The following NRXN3 variants were observed in gnomAD, a reference collection of about 807,000 sequenced individuals.
NRXN3 encodes the protein neurexin 3, also known as neurexin III.
A neutral mutation model predicts 137.6 loss-of-function variants in NRXN3; 32 were observed. That is an observed-to-expected ratio of 0.23 (90% CI 0.18 to 0.31). The LOEUF is 0.31. Among genes scored for constraint, NRXN3 ranks in the 10% least tolerant of loss-of-function variants. The probability of loss-of-function intolerance (pLI) is 1.00; values close to 1 mark genes in which losing one functional copy is unlikely to be tolerated. For missense variants in NRXN3, 1,574 were observed against 2,062.5 expected, an observed-to-expected ratio of 0.76 and a Z score of 4.59; for synonymous variants, 798 against 784.5, an observed-to-expected ratio of 1.02 and a Z score of -0.29.
At chr14:79,090,572 T>C (rs2152803154) in intron 15 of NRXN3, among the ~76,000 whole-genome samples, 1 of 152,222 alleles carries the variant, frequency 6.6e-6, no homozygotes, top group Non-Finnish European at 1.5e-5. Flanking sequence ...AGTTGCTTTA[T>C]TCTCCTTCCC....
chr14:79,836,100 ATAT>A (rs144292935), intron 20 of NRXN3, among the ~76,000 whole-genome samples: 3,335 of 152,240 alleles, frequency 0.022, 44 homozygotes, highest in Middle Eastern at 0.058. Flanking sequence ...TTTCTTTGTA[ATAT>A]TATAGAGAGA....
chr14:79,784,737 A>G (rs531624053), intron 19 of NRXN3, among the ~76,000 whole-genome samples: 1 of 150,658 alleles, frequency 6.6e-6, no homozygotes, highest in East Asian at 2.0e-4. Flanking sequence ...AGTATGTTCC[A>G]GCTGGGAGTC....
At chr14:79,387,296 A>T (rs2094662682) in intron 15 of NRXN3, among the ~76,000 whole-genome samples, 2 of 152,212 alleles carry the variant, frequency 1.3e-5, no homozygotes, top group African/African-American at 4.8e-5. Context: ...GGCAAAGGAT[A>T]TGAACAGACA....
intron 16 of NRXN3, among the ~76,000 whole-genome samples, chr14:79,551,542 AT>A (rs2097372774): frequency 6.6e-6 from 1 of 152,150 alleles, no homozygotes; most frequent in South Asian, 2.1e-4. Context: ...GAAGATCTGA[AT>A]GGTTATTTCT....
At chr14:79,802,513 A>G (rs2099185873) in intron 19 of NRXN3, among the ~76,000 whole-genome samples, 3 of 152,176 alleles carry the variant, frequency 2.0e-5, no homozygotes, top group Admixed American at 6.5e-5. Context: ...AACCATTGTA[A>G]TATTTAAGAT....
intron 1 of NRXN3, among the ~76,000 whole-genome samples, chr14:78,174,935 C>T (rs913994873): frequency 6.6e-6 from 1 of 152,158 alleles, no homozygotes; most frequent in Non-Finnish European, 1.5e-5. Flanking sequence ...GCTGCCTTGA[C>T]AGAGCCTGGG....
At chr14:79,360,209 C>T (rs933410482) in intron 15 of NRXN3, among the ~76,000 whole-genome samples, 1 of 152,190 alleles carries the variant, frequency 6.6e-6, no homozygotes, top group Non-Finnish European at 1.5e-5. Context: ...TCAAAATGAA[C>T]ATTTTTCCCC....
intron 17 of NRXN3, among the ~76,000 whole-genome samples, chr14:79,665,808 T>G (rs1669224931): frequency 6.6e-6 from 1 of 152,152 alleles, no homozygotes; most frequent in South Asian, 2.1e-4. Context: ...TGTCTTTCTT[T>G]AGTTCCAAAT....
chr14:79,673,020 G>T (rs1330275825), intron 17 of NRXN3, among the ~76,000 whole-genome samples: 1 of 152,004 alleles, frequency 6.6e-6, no homozygotes, highest in African/African-American at 2.4e-5. Flanking sequence ...GTAATGAAAG[G>T]TGCTCTATAC....
chr14:78,665,057 T>G (rs1469316095), intron 6 of NRXN3, among the ~76,000 whole-genome samples: 1 of 152,186 alleles, frequency 6.6e-6, no homozygotes, highest in Non-Finnish European at 1.5e-5. Context: ...GTGTGGTGAA[T>G]GACAGCATGT....
intron 10 of NRXN3, among the ~76,000 whole-genome samples, chr14:78,847,409 C>T (rs1019245970): frequency 3.3e-5 from 5 of 152,072 alleles, no homozygotes; most frequent in African/African-American, 1.2e-4. Context: ...CTTTCCCCAG[C>T]ACTTAAGAGA....
intron 4 of NRXN3, among the ~76,000 whole-genome samples, chr14:78,443,908 T>C (rs1199767964): frequency 6.6e-6 from 1 of 152,094 alleles, no homozygotes; most frequent in Non-Finnish European, 1.5e-5. Context: ...TAGCATTAGG[T>C]TGGTGCAAAA....
chr14:79,486,883 G>A lies in NRXN3; in HGVS notation c.3444+19481G>A, dbSNP rs183623215. 3.8e-3 allele frequency among the ~76,000 whole-genome samples: 566 copies of A among 148,924 alleles called. 3 individuals are homozygous for A. The highest frequency in any genetic ancestry group is 0.025 in the Middle Eastern group (7 of 284). On this transcript the variant is annotated intron_variant, in intron 16 of 20. Transcript: ENST00000335750. ...TAGCCTAAGTAATCTCTACTCTTTT[G>A]TGTCCCTTCTATTAAACTCTCTTTA...
intron 15 of NRXN3, among the ~76,000 whole-genome samples, chr14:79,301,468 G>A (rs113768571): frequency 2.0e-4 from 30 of 152,072 alleles, no homozygotes; most frequent in African/African-American, 5.8e-4. Flanking sequence ...TGCGCTGCTC[G>A]TATTATTGCC....
At chr14:78,915,463 T>G (rs1348696925) in intron 10 of NRXN3, among the ~76,000 whole-genome samples, 5 of 151,576 alleles carry the variant, frequency 3.3e-5, no homozygotes, top group African/African-American at 4.9e-5. Flanking sequence ...TTCTGTTTAG[T>G]ACCATTTATT....
At chr14:79,670,821 G>A (rs756970398) in intron 17 of NRXN3, among the ~76,000 whole-genome samples, 6 of 152,178 alleles carry the variant, frequency 3.9e-5, no homozygotes, top group Non-Finnish European at 7.4e-5. Flanking sequence ...TCTACCACCC[G>A]TATACATTTT....
chr14:78,991,786 A>T (rs184692487), intron 15 of NRXN3, among the ~76,000 whole-genome samples: 1 of 152,182 alleles, frequency 6.6e-6, no homozygotes, highest in African/African-American at 2.4e-5. Flanking sequence ...TGTTTACCAA[A>T]TATGATTGCC....
intron 4 of NRXN3, among the ~76,000 whole-genome samples, chr14:78,562,898 G>A (rs1006236966): frequency 6.6e-6 from 1 of 152,154 alleles, no homozygotes. Flanking sequence ...TGGCCTTAAC[G>A]ATCCTAAGTA....
At chr14:78,873,853 C>T (rs891815027) in intron 10 of NRXN3, among the ~76,000 whole-genome samples, 1 of 151,914 alleles carries the variant, frequency 6.6e-6, no homozygotes, top group African/African-American at 2.4e-5. Flanking sequence ...TAAAATTGGT[C>T]CAAGGGAAAG....
Sources: gnomAD v4.1 joint callset for allele counts (sites outside exome capture counted in the v4.1 genomes callset) on GRCh38, gnomAD v4.1.1 for gene constraint, MANE v1.5 for transcripts, NCBI Gene and HGNC (gene_info 2026-07-23, HGNC 2026-07-21) for gene names.